The following ATRNL1 variants were observed in gnomAD, a reference collection of about 807,000 sequenced individuals.
ATRNL1 encodes attractin like 1.
Under a neutral mutation model 182.7 loss-of-function variants are expected in ATRNL1, and 95 were observed. That is an observed-to-expected ratio of 0.52 (90% CI 0.44 to 0.62). The LOEUF (loss-of-function observed/expected upper bound fraction) is 0.62. Among genes scored for constraint, ATRNL1 ranks in the 20% least tolerant of loss-of-function variants. The pLI is 0.00. For synonymous variants in ATRNL1, 576 were observed against 568.3 expected, an observed-to-expected ratio of 1.01 and a Z score of -0.19; for missense variants, 1,471 against 1,679.5, an observed-to-expected ratio of 0.88 and a Z score of 2.17.
intron 26 of ATRNL1, chr10:115,597,937 A>T: frequency 6.0e-6 from 1 of 167,628 alleles, no homozygotes; most frequent in South Asian, 1.3e-4. Flanking sequence ...AACTCGTGAT[A>T]TATAGATTAT....
intron 17 of ATRNL1, among the ~76,000 whole-genome samples, chr10:115,310,378 T>A (rs1170589940): frequency 2.6e-5 from 4 of 152,150 alleles, no homozygotes; most frequent in Admixed American, 2.0e-4. Context: ...AATTTCCTAT[T>A]TCTCAGTCTT....
intron 14 of ATRNL1, among the ~76,000 whole-genome samples, chr10:115,285,608 A>G (rs1257041553): frequency 6.6e-6 from 1 of 152,102 alleles, no homozygotes; most frequent in Non-Finnish European, 1.5e-5. Context: ...ATTACTGAAC[A>G]GTATGTTTCA....
intron 25 of ATRNL1, among the ~76,000 whole-genome samples, chr10:115,527,194 A>G (rs541922798): frequency 6.9e-6 from 1 of 144,952 alleles, no homozygotes; most frequent in African/African-American, 2.6e-5. Context: ...ATCTCAGTTC[A>G]CTCAACCTCT....
At chr10:115,224,997 A>G (rs1429188618) in intron 9 of ATRNL1, among the ~76,000 whole-genome samples, 1 of 152,144 alleles carries the variant, frequency 6.6e-6, no homozygotes, top group Non-Finnish European at 1.5e-5. Context: ...AACTTTCTGG[A>G]AACAGAAATA....
intron 12 of ATRNL1, among the ~76,000 whole-genome samples, chr10:115,267,499 CCAGT>C (rs1454803619): frequency 5.9e-5 from 9 of 151,426 alleles, no homozygotes; most frequent in South Asian, 4.1e-4. Flanking sequence ...TGAAAAGTTA[CCAGT>C]CAATTATTAA....
chr10:115,474,980 A>C (rs1291544031), intron 24 of ATRNL1, among the ~76,000 whole-genome samples: 2 of 151,328 alleles, frequency 1.3e-5, no homozygotes, highest in East Asian at 3.9e-4. Context: ...ATGTGCACAG[A>C]TGCTTGCAAG....
chr10:115,512,972 C>G (rs576687428), intron 24 of ATRNL1, among the ~76,000 whole-genome samples: 9 of 152,082 alleles, frequency 5.9e-5, no homozygotes, highest in African/African-American at 2.2e-4. Flanking sequence ...ACATGCAGCC[C>G]AGGACAGCTT....
At chr10:115,206,612 T>G (rs1228321597) in intron 8 of ATRNL1, among the ~76,000 whole-genome samples, 1 of 152,160 alleles carries the variant, frequency 6.6e-6, no homozygotes, top group Non-Finnish European at 1.5e-5. Context: ...AAATGATAGA[T>G]GATTTATATT....
chr10:115,151,431 G>C, intron 5 of ATRNL1, among the ~76,000 whole-genome samples: 1 of 152,126 alleles, frequency 6.6e-6, no homozygotes, highest in East Asian at 1.9e-4. Flanking sequence ...GTGTGAGATG[G>C]TATCTCATTG....
intron 20 of ATRNL1, among the ~76,000 whole-genome samples, chr10:115,409,196 G>A (rs1554959193): frequency 1.3e-5 from 2 of 151,972 alleles, no homozygotes; most frequent in East Asian, 1.9e-4. Flanking sequence ...ATTGTGATTC[G>A]TGGGCATGAG....
At chr10:115,619,962 A>G (rs1555022133) in intron 26 of ATRNL1, among the ~76,000 whole-genome samples, 1 of 152,224 alleles carries the variant, frequency 6.6e-6, no homozygotes, top group Non-Finnish European at 1.5e-5. Context: ...AATTAAGAAG[A>G]TAGAGGTGTT....
chr10:115,932,883 C>A (rs1355824771), intron 28 of ATRNL1, among the ~76,000 whole-genome samples: 3 of 152,124 alleles, frequency 2.0e-5, no homozygotes, highest in Non-Finnish European at 2.9e-5. Context: ...CTTTCCTATA[C>A]CCTCACATAA....
At chr10:115,848,598 G>T (rs1278842694) in intron 28 of ATRNL1, among the ~76,000 whole-genome samples, 2 of 152,130 alleles carry the variant, frequency 1.3e-5, no homozygotes, top group Non-Finnish European at 2.9e-5. Flanking sequence ...GGAAAAGCAT[G>T]TTTTTGATTT....
chr10:115,403,522 C>T (rs1337471721), intron 20 of ATRNL1, among the ~76,000 whole-genome samples: 1 of 152,086 alleles, frequency 6.6e-6, no homozygotes, highest in Non-Finnish European at 1.5e-5. Context: ...ATGGCACAAT[C>T]TTGGCTCACT....
At chr10:115,316,900 C>T (rs1854327250) in intron 18 of ATRNL1, among the ~76,000 whole-genome samples, 1 of 152,146 alleles carries the variant, frequency 6.6e-6, no homozygotes, top group African/African-American at 2.4e-5. Flanking sequence ...TTTTGCTGTG[C>T]AGAAACTCTC....
At chr10:115,292,509 C>A (rs188111070) in intron 15 of ATRNL1, among the ~76,000 whole-genome samples, 46 of 151,632 alleles carry the variant, frequency 3.0e-4, no homozygotes, top group African/African-American at 9.7e-4. Context: ...TTACTATAAA[C>A]TTCCCTTTCA....
intron 9 of ATRNL1, among the ~76,000 whole-genome samples, chr10:115,239,389 C>T (rs968053396): frequency 9.2e-5 from 14 of 151,958 alleles, no homozygotes; most frequent in Admixed American, 2.6e-4. Context: ...CAGGCTACCA[C>T]GCCCAGCTAA....
chr10:115,568,002 A>G (rs1854167435), intron 26 of ATRNL1, among the ~76,000 whole-genome samples: 1 of 152,062 alleles, frequency 6.6e-6, no homozygotes, highest in African/African-American at 2.4e-5. Context: ...ACGTCTAATT[A>G]TTGTGCTTAG....
intron 9 of ATRNL1, among the ~76,000 whole-genome samples, chr10:115,224,988 A>G (rs536470018): frequency 5.9e-5 from 9 of 152,130 alleles, no homozygotes; most frequent in Non-Finnish European, 1.2e-4. Context: ...TCTTTCACAA[A>G]CTTTCTGGAA....
Sources: gnomAD v4.1 joint callset for allele counts (sites outside exome capture counted in the v4.1 genomes callset) on GRCh38, gnomAD v4.1.1 for gene constraint, MANE v1.5 for transcripts, NCBI Gene and HGNC (gene_info 2026-07-23, HGNC 2026-07-21) for gene names.